ALK: variants seen among roughly 807,000 people sequenced by gnomAD.
ALK encodes the protein ALK tyrosine kinase receptor.
Under a neutral mutation model 163.1 loss-of-function variants are expected in ALK, and 74 were observed. That is an observed-to-expected ratio of 0.45 (90% CI 0.38 to 0.55). ALK has a LOEUF of 0.55. Ranked by LOEUF, ALK falls within the 20% of genes least tolerant of loss-of-function variation. The pLI, the probability that ALK is intolerant of heterozygous loss-of-function variation, is 0.00. For missense variants in ALK, 2,063 were observed against 2,105.3 expected (o/e 0.98, Z 0.39); for synonymous variants, 960 against 843.2 (o/e 1.14, Z -2.40).
intron 1 of ALK, among the ~76,000 whole-genome samples, chr2:29,876,820 T>C (rs1429094892): frequency 6.6e-6 from 1 of 152,032 alleles, no homozygotes; most frequent in Non-Finnish European, 1.5e-5. Context: ...GGGATGATAA[T>C]GAAGGTGAAG....
chr2:29,394,037 G>T (rs1360707373), intron 4 of ALK, among the ~76,000 whole-genome samples: 1 of 152,176 alleles, frequency 6.6e-6, no homozygotes, highest in Non-Finnish European at 1.5e-5. Flanking sequence ...GAGGTGTTAT[G>T]AATGTAATTT....
At chr2:29,748,229 G>A (rs1202895033) in intron 1 of ALK, among the ~76,000 whole-genome samples, 1 of 152,086 alleles carries the variant, frequency 6.6e-6, no homozygotes, top group East Asian at 1.9e-4. Context: ...TCACATCCTG[G>A]ACAAGCTCCA....
At chr2:29,564,581 G>T (rs1674124978) in intron 3 of ALK, among the ~76,000 whole-genome samples, 1 of 152,108 alleles carries the variant, frequency 6.6e-6, no homozygotes. Context: ...TGGTCAACCT[G>T]CCCTCTCATC....
chr2:29,290,761 G>GGT (rs1336727236), intron 9 of ALK, among the ~76,000 whole-genome samples: 1 of 152,212 alleles, frequency 6.6e-6, no homozygotes. Flanking sequence ...GCCTATCAGA[G>GGT]ACTGTGCTCC....
At position 29,275,157 on chromosome 2, in the gene ALK, G is replaced by A; in HGVS notation, c.1983C>T (p.Asn661=). 6.2e-7 allele frequency: 1 copy of A among 1,614,144 alleles called. No homozygotes were observed. The highest frequency in any genetic ancestry group is 8.5e-7 in the Non-Finnish European group (1 of 1,180,026). The part of the protein sequence containing the change: ...KSRNLFERNP[N]KELKPGENSP... ...AATTTTCCCCGGGTTTCAGCTCCTT[G>A]TTTGGGTTTCTCTCAAACAGGTTTC... is the stretch of plus-strand genomic sequence containing the variant. The change falls in exon 11 of 29, where the codon AAC becomes AAT. Residue 661 remains asparagine, a synonymous_variant. Transcript: ENST00000389048.
chr2:29,293,926 G>A (rs1350718224), intron 9 of ALK, among the ~76,000 whole-genome samples: 1 of 152,188 alleles, frequency 6.6e-6, no homozygotes, highest in Non-Finnish European at 1.5e-5. Flanking sequence ...ATTTTGTAAT[G>A]TGTGAAGGTT....
At chr2:29,471,179 C>A (rs1023054054) in intron 4 of ALK, among the ~76,000 whole-genome samples, 12 of 152,210 alleles carry the variant, frequency 7.9e-5, no homozygotes, top group African/African-American at 2.9e-4. Context: ...TATTCCAGGC[C>A]AAGTTGGCTT....
At chr2:29,447,874 T>A (rs1670725599) in intron 4 of ALK, among the ~76,000 whole-genome samples, 1 of 152,110 alleles carries the variant, frequency 6.6e-6, no homozygotes, top group Non-Finnish European at 1.5e-5. Flanking sequence ...TTCGGCAAAA[T>A]TTATTGCTTA....
chr2:29,475,264 C>A (rs1364349622), intron 4 of ALK, among the ~76,000 whole-genome samples: 4 of 152,164 alleles, frequency 2.6e-5, no homozygotes, highest in African/African-American at 7.2e-5. Context: ...CCTCAGGCCT[C>A]AGGGAGCTCA....
intron 1 of ALK, among the ~76,000 whole-genome samples, chr2:29,876,304 C>T (rs1666703200): frequency 7.0e-6 from 1 of 143,550 alleles, no homozygotes; most frequent in Admixed American, 6.7e-5. Flanking sequence ...GTGGTGATGA[C>T]AGTGGTGGTG....
intron 25 of ALK, chr2:29,208,079 TC>T (rs1669362216): frequency 2.6e-6 from 1 of 386,898 alleles, no homozygotes; most frequent in South Asian, 1.6e-5. Context: ...TAGGTCAGTC[TC>T]TCTCTCCCAA....
intron 1 of ALK, among the ~76,000 whole-genome samples, chr2:29,837,529 C>A (rs865870527): frequency 3.3e-5 from 5 of 152,144 alleles, no homozygotes; most frequent in Admixed American, 6.6e-5. Flanking sequence ...AGATACTGTA[C>A]CCCAATCTAC....
At chr2:29,510,973 T>C (rs773990828) in intron 4 of ALK, among the ~76,000 whole-genome samples, 1 of 152,202 alleles carries the variant, frequency 6.6e-6, no homozygotes, top group Non-Finnish European at 1.5e-5. Context: ...TTTGCCTCTC[T>C]GCTCTGCCAC....
intron 1 of ALK, among the ~76,000 whole-genome samples, chr2:29,785,272 G>A (rs992247019): frequency 1.3e-5 from 2 of 152,102 alleles, no homozygotes; most frequent in Non-Finnish European, 2.9e-5. Flanking sequence ...TATATATGAG[G>A]GGAGTGGGGA....
intron 4 of ALK, among the ~76,000 whole-genome samples, chr2:29,507,281 C>A (rs542232916): frequency 2.0e-5 from 3 of 152,294 alleles, no homozygotes; most frequent in Admixed American, 2.0e-4. Context: ...CACAAAACGA[C>A]AAATACCATC....
intron 4 of ALK, among the ~76,000 whole-genome samples, chr2:29,479,794 T>C (rs533553504): frequency 1.6e-4 from 25 of 152,176 alleles, no homozygotes; most frequent in Non-Finnish European, 3.1e-4. Flanking sequence ...CCCTCTGCTC[T>C]GGCAGTGACC....
chr2:29,596,785 C>A (rs578232423), intron 3 of ALK, among the ~76,000 whole-genome samples: 1 of 152,192 alleles, frequency 6.6e-6, no homozygotes, highest in Non-Finnish European at 1.5e-5. Flanking sequence ...CCTGGCAGGC[C>A]AGGGCACGTC....
chr2:29,566,972 G>C (rs1181728183), intron 3 of ALK, among the ~76,000 whole-genome samples: 1 of 152,156 alleles, frequency 6.6e-6, no homozygotes, highest in Non-Finnish European at 1.5e-5. Flanking sequence ...AAATCTTTAA[G>C]TCATAAGCTA....
chr2:29,447,744 G>GCTC (rs1392660826), intron 4 of ALK, among the ~76,000 whole-genome samples: 1 of 152,156 alleles, frequency 6.6e-6, no homozygotes, highest in African/African-American at 2.4e-5. Context: ...CCTCCAGGTA[G>GCTC]CTCCTGGCTT....
Sources: gnomAD v4.1 joint callset for allele counts (sites outside exome capture counted in the v4.1 genomes callset) on GRCh38, gnomAD v4.1.1 for gene constraint, MANE v1.5 for transcripts, NCBI Gene and HGNC (gene_info 2026-07-23, HGNC 2026-07-21) for gene names.